CSMD1: variants seen among roughly 807,000 people sequenced by gnomAD.
CSMD1 encodes CUB and Sushi multiple domains 1.
In CSMD1, 213 loss-of-function variants were observed where a neutral mutation model predicts 417.5. The observed-to-expected ratio is 0.51, with a 90% CI of 0.46 to 0.57. The LOEUF is 0.57. Ranked by LOEUF, CSMD1 falls within the 20% of genes least tolerant of loss-of-function variation. The pLI, the probability that CSMD1 is intolerant of heterozygous loss-of-function variation, is 0.00. For synonymous variants in CSMD1, 2,862 were observed against 1,736.8 expected (o/e 1.65, Z -16.11); for missense variants, 6,923 against 4,529.7 (o/e 1.53, Z -15.17).
At chr8:4,180,216 G>A (rs1052095727) in intron 3 of CSMD1, among the ~76,000 whole-genome samples, 10 of 151,926 alleles carry the variant, frequency 6.6e-5, no homozygotes, top group African/African-American at 2.2e-4. Context: ...AGAAAATGTG[G>A]CACATATACA....
rs750634327 is a variant in CSMD1 at position 3,108,872 on chromosome 8, CTG to C, written c.6609-126_6609-125del. On this transcript the variant is annotated intron_variant, in intron 43 of 69. Transcript: ENST00000635120. ...ATAAAACATATGCATTCTCAGGATA[CTG>C]TGTTTGTAAACATCAAGATGTTGAA... The C allele has an allele frequency of 1.3e-4, 122 of 937,370 alleles. 1 individual carries two copies. In the South Asian group the frequency reaches 2.2e-3, roughly 17 times the overall value. The allele number at this position is 937,370 out of a possible 1,614,324, so 58.1% of individuals were successfully genotyped here.
intron 7 of CSMD1, among the ~76,000 whole-genome samples, chr8:3,682,546 G>C (rs1473665057): frequency 6.6e-6 from 1 of 152,150 alleles, no homozygotes; most frequent in Non-Finnish European, 1.5e-5. Context: ...GAAACAACAG[G>C]TGCTGGAGAG....
At chr8:3,368,826 A>T (rs564983786) in intron 19 of CSMD1, among the ~76,000 whole-genome samples, 1 of 152,242 alleles carries the variant, frequency 6.6e-6, no homozygotes, top group Non-Finnish European at 1.5e-5. Flanking sequence ...ATGTGAAGAT[A>T]AATTATTCAT....
At chr8:3,387,147 AG>A (rs1199051152) in intron 18 of CSMD1, among the ~76,000 whole-genome samples, 2 of 152,210 alleles carry the variant, frequency 1.3e-5, no homozygotes, top group African/African-American at 2.4e-5. Flanking sequence ...GACGTATGTC[AG>A]GGGAAAATCA....
At chr8:3,940,956 A>T (rs910239592) in intron 5 of CSMD1, among the ~76,000 whole-genome samples, 9 of 151,690 alleles carry the variant, frequency 5.9e-5, no homozygotes, top group African/African-American at 1.9e-4. Context: ...ATATATGTCC[A>T]AATTGTCATT....
At chr8:3,771,477 G>A (rs1049594116) in intron 5 of CSMD1, among the ~76,000 whole-genome samples, 3 of 152,164 alleles carry the variant, frequency 2.0e-5, no homozygotes, top group Non-Finnish European at 4.4e-5. Flanking sequence ...GCAGGGCCAG[G>A]CCAATTCTCA....
At chr8:4,005,675 C>A (rs1045641675) in intron 4 of CSMD1, among the ~76,000 whole-genome samples, 4 of 152,188 alleles carry the variant, frequency 2.6e-5, no homozygotes, top group Admixed American at 2.6e-4. Flanking sequence ...TGCTTTCTTC[C>A]CACTTCAAAC....
At chr8:3,630,800 G>C (rs1285077502) in intron 7 of CSMD1, among the ~76,000 whole-genome samples, 1 of 152,170 alleles carries the variant, frequency 6.6e-6, no homozygotes, top group South Asian at 2.1e-4. Context: ...AACACATCAC[G>C]ATTTGGAAGG....
At chr8:3,621,019 C>A (rs879793501) in intron 7 of CSMD1, among the ~76,000 whole-genome samples, 1 of 151,966 alleles carries the variant, frequency 6.6e-6, no homozygotes, top group Admixed American at 6.6e-5. Flanking sequence ...TGACTGGTGC[C>A]CTTCTAAGAA....
intron 16 of CSMD1, among the ~76,000 whole-genome samples, chr8:3,396,857 G>A (rs571117742): frequency 6.6e-6 from 1 of 151,878 alleles, no homozygotes; most frequent in Non-Finnish European, 1.5e-5. Flanking sequence ...TTAAAAATGT[G>A]TGATGAGTTT....
At chr8:3,791,495 G>A (rs766500137) in intron 5 of CSMD1, among the ~76,000 whole-genome samples, 2 of 152,152 alleles carry the variant, frequency 1.3e-5, no homozygotes, top group African/African-American at 4.8e-5. Context: ...AATTTGAAAA[G>A]TCATCTCTAC....
chr8:3,309,839 C>G (rs888092316), intron 23 of CSMD1, among the ~76,000 whole-genome samples: 2 of 152,186 alleles, frequency 1.3e-5, no homozygotes, highest in African/African-American at 4.8e-5. Flanking sequence ...TGATGTCTGA[C>G]TAATCAGGAT....
chr8:3,262,181 A>G (rs1266441905), intron 26 of CSMD1, among the ~76,000 whole-genome samples: 2 of 95,690 alleles, frequency 2.1e-5, no homozygotes, highest in African/African-American at 8.5e-5. Context: ...TTATGCTCAT[A>G]TGAATATATA....
chr8:3,339,068 G>A (rs1807470644), intron 23 of CSMD1, among the ~76,000 whole-genome samples: 1 of 142,840 alleles, frequency 7.0e-6, no homozygotes, highest in African/African-American at 2.6e-5. Context: ...TCCCACCTAT[G>A]AGTGAGAATA....
At chr8:4,896,507 T>C (rs998777794) in intron 1 of CSMD1, among the ~76,000 whole-genome samples, 1 of 152,120 alleles carries the variant, frequency 6.6e-6, no homozygotes, top group Admixed American at 6.5e-5. Flanking sequence ...TTATCTTATG[T>C]TGTCACTCTC....
At chr8:4,912,135 A>AAAAAAAAAGAAAG (rs765904838) in intron 1 of CSMD1, among the ~76,000 whole-genome samples, 1 of 115,612 alleles carries the variant, frequency 8.6e-6, no homozygotes, top group Non-Finnish European at 1.9e-5. Context: ...AAAAAAAAAA[A>AAAAAAAAAGAAAG]AAAAAAGAAA....
chr8:3,573,368 A>C (rs561913114), intron 10 of CSMD1, among the ~76,000 whole-genome samples: 1 of 152,194 alleles, frequency 6.6e-6, no homozygotes, highest in East Asian at 1.9e-4. Flanking sequence ...AGCATATAGA[A>C]AAAACAAGGT....
intron 11 of CSMD1, among the ~76,000 whole-genome samples, chr8:3,475,412 A>G (rs753940534): frequency 6.4e-4 from 98 of 152,208 alleles, no homozygotes; most frequent in Admixed American, 1.9e-3. Flanking sequence ...ATACAGCTAC[A>G]TGTTTAAATT....
At chr8:2,988,431 A>C (rs2128945635) in intron 54 of CSMD1, among the ~76,000 whole-genome samples, 1 of 152,328 alleles carries the variant, frequency 6.6e-6, no homozygotes, top group South Asian at 2.1e-4. Flanking sequence ...TATGTGAATC[A>C]TCCTGAAACG....
Sources: allele counts gnomAD v4.1 joint callset (sites outside exome capture counted in the v4.1 genomes callset), GRCh38; gene constraint gnomAD v4.1.1; transcripts MANE v1.5; gene names NCBI Gene and HGNC (gene_info 2026-07-23, HGNC 2026-07-21).